SUPT3H: variants seen among roughly 807,000 people sequenced by gnomAD.
SUPT3H encodes the protein SPT3 homolog, SAGA and STAGA complex component, also known as transcription initiation protein SPT3 homolog.
In SUPT3H, 44 loss-of-function variants were observed where a neutral mutation model predicts 44.3. The ratio of observed to expected loss-of-function variants is 0.99; its 90% CI spans 0.78 to 1.28. The LOEUF is 1.28. SUPT3H is among the 50% of genes most tolerant of loss of function. The probability of loss-of-function intolerance (pLI) is 0.00; values close to 1 mark genes in which losing one functional copy is unlikely to be tolerated. For missense variants in SUPT3H, 380 were observed against 387.1 expected (o/e 0.98, Z 0.15); for synonymous variants, 124 against 125.6 (o/e 0.99, Z 0.09).
At chr6:45,181,866 T>A (rs1035884191) in intron 2 of SUPT3H, among the ~76,000 whole-genome samples, 2 of 58,542 alleles carry the variant, frequency 3.4e-5, no homozygotes, top group African/African-American at 1.3e-4. Context: ...TAAAGTATAA[T>A]AATAATAAAT....
At chr6:45,231,411 A>G (rs1005895445) in intron 2 of SUPT3H, among the ~76,000 whole-genome samples, 1 of 152,222 alleles carries the variant, frequency 6.6e-6, no homozygotes, top group Non-Finnish European at 1.5e-5. Flanking sequence ...CACATTAAAT[A>G]TATCCTCCCA....
intron 2 of SUPT3H, among the ~76,000 whole-genome samples, chr6:45,355,536 A>G (rs1792999202): frequency 6.6e-6 from 1 of 152,084 alleles, no homozygotes; most frequent in Admixed American, 6.6e-5. Flanking sequence ...TGCAGCTCCA[A>G]ACCTAGTCTT....
chr6:45,016,499 C>T (rs1291075641), intron 4 of SUPT3H, among the ~76,000 whole-genome samples: 1 of 107,722 alleles, frequency 9.3e-6, no homozygotes, highest in African/African-American at 3.6e-5. Context: ...CCCCCTCCCC[C>T]CACCCCACAA....
chr6:45,084,280 TAAAC>T (rs1333579168), intron 3 of SUPT3H, among the ~76,000 whole-genome samples: 1 of 151,986 alleles, frequency 6.6e-6, no homozygotes, highest in East Asian at 1.9e-4. Flanking sequence ...ATAAGGAACT[TAAAC>T]AATCCAACAA....
intron 5 of SUPT3H, among the ~76,000 whole-genome samples, chr6:45,008,906 A>AT (rs1422344227): frequency 5.9e-5 from 9 of 151,870 alleles, no homozygotes; most frequent in South Asian, 2.1e-4. Flanking sequence ...TACCCAGCTC[A>AT]TTTTTTGTAT....
At chr6:44,914,014 A>T (rs1388227655) in intron 10 of SUPT3H, among the ~76,000 whole-genome samples, 1 of 152,172 alleles carries the variant, frequency 6.6e-6, no homozygotes, top group Non-Finnish European at 1.5e-5. Flanking sequence ...ATCAAGTACC[A>T]TTACAAAGAA....
chr6:44,846,767 G>A (rs1771948996), intron 10 of SUPT3H, among the ~76,000 whole-genome samples: 1 of 152,056 alleles, frequency 6.6e-6, no homozygotes, highest in Non-Finnish European at 1.5e-5. Context: ...GAGTAGCTGG[G>A]ATTACAGGCA....
At position 45,003,645 on chromosome 6, in the gene SUPT3H, T is replaced by C. The variant is rs769623895; in HGVS notation, c.504+8A>G. 6.2e-7 allele frequency: 1 copy of C among 1,612,482 alleles called. No homozygotes were observed. Among genetic ancestry groups the C allele is most frequent in the Non-Finnish European group, 8.5e-7 (1 of 1,179,134 alleles). On this transcript the variant is annotated splice_region_variant and intron_variant, in intron 6 of 10. Coordinates refer to ENST00000371459, the MANE Select transcript of SUPT3H (RefSeq NM_003599.4). Reference sequence around the variant, plus strand: ...CTATTTCTGTAAAAAGGGAAGAATGTACTATACCTCCATTCTTTCTTGTTT... The same window carrying C: ...CTATTTCTGTAAAAAGGGAAGAATGCACTATACCTCCATTCTTTCTTGTTT...
chr6:45,082,547 T>C (rs1028285580), intron 3 of SUPT3H, among the ~76,000 whole-genome samples: 2 of 152,068 alleles, frequency 1.3e-5, no homozygotes, highest in Non-Finnish European at 2.9e-5. Context: ...ACAAAAACCA[T>C]ATGAGTATCT....
intron 7 of SUPT3H, among the ~76,000 whole-genome samples, chr6:44,956,103 G>A (rs1294268315): frequency 3.4e-5 from 5 of 148,736 alleles, no homozygotes; most frequent in Admixed American, 2.7e-4. Flanking sequence ...GCCTGGGCGA[G>A]TGCGAGACTC....
intron 2 of SUPT3H, among the ~76,000 whole-genome samples, chr6:45,356,928 T>C (rs1283610321): frequency 1.3e-5 from 2 of 152,226 alleles, no homozygotes; most frequent in Non-Finnish European, 1.5e-5. Flanking sequence ...GGCAAATCAA[T>C]ATATAATATA....
chr6:44,929,233 T>C (rs1380222216), intron 10 of SUPT3H, among the ~76,000 whole-genome samples: 2 of 152,162 alleles, frequency 1.3e-5, no homozygotes, highest in East Asian at 3.8e-4. Context: ...ATTCCTGAAA[T>C]TGATCATGTC....
At chr6:45,132,597 C>T (rs979224301) in intron 2 of SUPT3H, among the ~76,000 whole-genome samples, 1 of 152,088 alleles carries the variant, frequency 6.6e-6, no homozygotes, top group Non-Finnish European at 1.5e-5. Context: ...GATATTTCTA[C>T]AAAAGACTTG....
chr6:44,865,913 G>T (rs1332621085), intron 10 of SUPT3H, among the ~76,000 whole-genome samples: 2 of 152,166 alleles, frequency 1.3e-5, no homozygotes, highest in Non-Finnish European at 2.9e-5. Flanking sequence ...GGGGAGACCT[G>T]AGTCTGCTAA....
At chr6:45,257,579 C>T (rs1773617993) in intron 2 of SUPT3H, among the ~76,000 whole-genome samples, 1 of 152,146 alleles carries the variant, frequency 6.6e-6, no homozygotes, top group Non-Finnish European at 1.5e-5. Context: ...GCTACTATAA[C>T]AGATTACCAC....
At chr6:45,015,226 T>C (rs115403530) in intron 4 of SUPT3H, among the ~76,000 whole-genome samples, 1 of 152,154 alleles carries the variant, frequency 6.6e-6, no homozygotes, top group East Asian at 1.9e-4. Context: ...CAAACCTAGA[T>C]GGAACAGTCT....
intron 2 of SUPT3H, among the ~76,000 whole-genome samples, chr6:45,176,117 T>C (rs576171808): frequency 5.0e-4 from 76 of 151,998 alleles, no homozygotes; most frequent in Middle Eastern, 3.4e-3. Context: ...GCTCCCAGCG[T>C]GAGCGACGCA....
At chr6:44,989,361 T>C (rs1298926453) in intron 6 of SUPT3H, among the ~76,000 whole-genome samples, 1 of 152,144 alleles carries the variant, frequency 6.6e-6, no homozygotes, top group African/African-American at 2.4e-5. Flanking sequence ...TATGTGTGTA[T>C]ATCTATTTCA....
chr6:45,347,504 G>A (rs1459202968), intron 2 of SUPT3H, among the ~76,000 whole-genome samples: 2 of 152,000 alleles, frequency 1.3e-5, no homozygotes, highest in East Asian at 3.9e-4. Flanking sequence ...TTAAGTTTGA[G>A]AAAAACAAAA....
Sources: allele counts gnomAD v4.1 joint callset (sites outside exome capture counted in the v4.1 genomes callset), GRCh38; gene constraint gnomAD v4.1.1; transcripts MANE v1.5; gene names NCBI Gene and HGNC (gene_info 2026-07-23, HGNC 2026-07-21).